Variants in HECW2 observed in about 807,000 individuals in gnomAD.
HECW2 encodes the protein E3 ubiquitin-protein ligase HECW2.
HECW2 carries 61 observed loss-of-function variants against 175.2 expected under a neutral mutation model. The ratio of observed to expected loss-of-function variants is 0.35; its 90% CI spans 0.28 to 0.43. The LOEUF (loss-of-function observed/expected upper bound fraction) is 0.43, where lower values mean the gene tolerates loss of function less well. Among genes scored for constraint, HECW2 ranks in the 20% least tolerant of loss-of-function variants. The pLI is 1.00. For synonymous variants in HECW2, 671 were observed against 731.0 expected (o/e 0.92, Z 1.32); for missense variants, 1,524 against 2,000.5 (o/e 0.76, Z 4.54).
intron 1 of HECW2, among the ~76,000 whole-genome samples, chr2:196,457,691 T>C (rs908585051): frequency 2.3e-5 from 3 of 128,518 alleles, no homozygotes; most frequent in South Asian, 3.0e-4. Flanking sequence ...AGCGGGACTA[T>C]ATGATTTCCA....
chr2:196,259,048 A>G (rs1266199450), intron 17 of HECW2, among the ~76,000 whole-genome samples: 1 of 152,178 alleles, frequency 6.6e-6, no homozygotes, highest in Non-Finnish European at 1.5e-5. Context: ...ATCTTGGCTC[A>G]CTGCAACCTC....
rs191741635 is a variant in HECW2 at position 196,239,334 on chromosome 2, T to G, written c.3764+1115A>C. The G allele has an allele frequency of 7.2e-5, 11 of 152,228 alleles. No individual in the cohort carries two copies. In the East Asian group the frequency reaches 1.7e-3, roughly 24 times the overall value. The allele number at this position is 152,228 out of a possible 1,614,324, so 9.4% of individuals were successfully genotyped here. ...CAAAATGTCCAGAGATAGGAAAAAA[T>G]TCAGATGGGCTGGAGTGCAGGAGTT... On this transcript the variant is annotated intron_variant, in intron 21 of 28. Transcript: ENST00000644978.
chr2:196,423,931 CT>C (rs1695473371), intron 2 of HECW2, among the ~76,000 whole-genome samples: 1 of 151,826 alleles, frequency 6.6e-6, no homozygotes, highest in African/African-American at 2.4e-5. Flanking sequence ...ATAGAAAACT[CT>C]TTTTATGATG....
intron 1 of HECW2, among the ~76,000 whole-genome samples, chr2:196,582,068 A>AT (rs1690805854): frequency 6.6e-6 from 1 of 151,672 alleles, no homozygotes. Context: ...TCCATCTCGA[A>AT]AAATAATAAT....
intron 21 of HECW2, among the ~76,000 whole-genome samples, chr2:196,231,945 C>T (rs371251818): frequency 2.2e-4 from 34 of 152,074 alleles, no homozygotes; most frequent in Admixed American, 3.9e-4. Flanking sequence ...GCAGAGATCG[C>T]GCCACTGCAC....
chr2:196,472,096 T>A (rs1387650490), intron 1 of HECW2, among the ~76,000 whole-genome samples: 1 of 152,042 alleles, frequency 6.6e-6, no homozygotes, highest in Non-Finnish European at 1.5e-5. Context: ...GAACTAGATT[T>A]ACCCATAATC....
chr2:196,549,297 TCCC>T (rs1239163012), intron 1 of HECW2, among the ~76,000 whole-genome samples: 2 of 152,118 alleles, frequency 1.3e-5, no homozygotes, highest in Non-Finnish European at 2.9e-5. Flanking sequence ...CTGGTCACAC[TCCC>T]CTCCCTCCTC....
At chr2:196,305,447 T>C (rs571746097) in intron 13 of HECW2, among the ~76,000 whole-genome samples, 1 of 152,144 alleles carries the variant, frequency 6.6e-6, no homozygotes, top group Non-Finnish European at 1.5e-5. Flanking sequence ...CATAAGTAAA[T>C]ATGTATTAAT....
At chr2:196,543,629 T>C (rs1178817135) in intron 1 of HECW2, among the ~76,000 whole-genome samples, 2 of 152,176 alleles carry the variant, frequency 1.3e-5, no homozygotes, top group Non-Finnish European at 2.9e-5. Context: ...TTTTTTTCTT[T>C]TGAGATGGAG....
chr2:196,545,581 C>T (rs777266587), intron 1 of HECW2, among the ~76,000 whole-genome samples: 8 of 152,174 alleles, frequency 5.3e-5, no homozygotes, highest in South Asian at 2.1e-4. Flanking sequence ...CACAAGGGCA[C>T]GCCAGGGATC....
chr2:196,545,434 G>A (rs1689377970), intron 1 of HECW2, among the ~76,000 whole-genome samples: 1 of 152,218 alleles, frequency 6.6e-6, no homozygotes, highest in African/African-American at 2.4e-5. Flanking sequence ...GACAGCCACA[G>A]CCCAACAACA....
In HECW2 at chr2:196,277,978, T is replaced by C. The variant is rs1575344262; in HGVS notation, c.3135+550A>G. ...GAACATCACACACCGGGGCCTGTTA[T>C]GGGGTGGGGGGAGGGGGGAGGGATA... is the stretch of plus-strand genomic sequence containing the variant. On this transcript the variant is annotated intron_variant, in intron 15 of 28. Transcript: ENST00000644978. Among the ~76,000 whole-genome samples, 9 of 41,578 alleles carry C rather than the reference T, an allele frequency of 2.2e-4. No homozygotes were observed. In the South Asian group the frequency reaches 9.1e-3, roughly 42 times the overall value. 27.3% of individuals were successfully genotyped at this position (41,578 alleles called of 152,430 possible).
intron 17 of HECW2, chr2:196,263,022 CTTTTTT>C (rs5837499): frequency 4.0e-5 from 6 of 149,528 alleles, no homozygotes; most frequent in African/African-American, 1.5e-4. Context: ...ATCTTGCTAT[CTTTTTT>C]TTTTCTTTTT....
Position 196,507,123 on chromosome 2 carries a change from A to G in HECW2, c.-35-73665T>C, listed in dbSNP as rs558910451. Reference sequence around the variant, plus strand: ...GTGTGCATATTACACACACACTAACATGTGTATATTACACACGTTAGTGTG... The same window carrying G: ...GTGTGCATATTACACACACACTAACGTGTGTATATTACACACGTTAGTGTG... On this transcript the variant is annotated intron_variant, in intron 1 of 28. Coordinates refer to ENST00000644978, the MANE Select transcript of HECW2 (RefSeq NM_001348768.2). Among the ~76,000 whole-genome samples, 122 of 148,580 alleles carry G rather than the reference A, an allele frequency of 8.2e-4. 2 individuals are homozygous for G. Among genetic ancestry groups the G allele is most frequent in the South Asian group, 2.9e-3 (14 of 4,794 alleles).
chr2:196,309,837 T>C (rs1691418799), intron 10 of HECW2, among the ~76,000 whole-genome samples: 1 of 152,226 alleles, frequency 6.6e-6, no homozygotes, highest in Non-Finnish European at 1.5e-5. Flanking sequence ...CTCCCAAGAT[T>C]AGATTATTAC....
chr2:196,471,915 T>C (rs933023982), intron 1 of HECW2, among the ~76,000 whole-genome samples: 2 of 149,092 alleles, frequency 1.3e-5, no homozygotes, highest in Admixed American at 1.3e-4. Context: ...CAAACCCCCA[T>C]GGCACACAGC....
chr2:196,558,606 C>T (rs1012194829), intron 1 of HECW2, among the ~76,000 whole-genome samples: 7 of 152,200 alleles, frequency 4.6e-5, no homozygotes, highest in African/African-American at 1.7e-4. Flanking sequence ...AGCACGTAGT[C>T]CCTTTTCCTT....
chr2:196,392,885 C>T (rs865816153), intron 2 of HECW2, among the ~76,000 whole-genome samples: 35 of 152,270 alleles, frequency 2.3e-4, no homozygotes, highest in African/African-American at 7.0e-4. Context: ...GGAGGCATCA[C>T]GCTACCTGAC....
intron 14 of HECW2, chr2:196,288,398 C>T (rs1690474712): frequency 6.6e-6 from 1 of 152,196 alleles, no homozygotes; most frequent in South Asian, 2.1e-4. Context: ...AGGTGTAAGG[C>T]AGGAGCAAAC....
Sources: gnomAD v4.1 joint callset for allele counts (sites outside exome capture counted in the v4.1 genomes callset) on GRCh38, gnomAD v4.1.1 for gene constraint, MANE v1.5 for transcripts, NCBI Gene and HGNC (gene_info 2026-07-23, HGNC 2026-07-21) for gene names.